Variants in SLC39A11 observed in about 807,000 individuals in gnomAD.
The protein encoded by SLC39A11 is solute carrier family 39 member 11.
A neutral mutation model predicts 36.1 loss-of-function variants in SLC39A11; 33 were observed. The observed-to-expected ratio is 0.91, with a 90% CI of 0.69 to 1.22. SLC39A11 has a LOEUF of 1.22. Ranked by LOEUF, SLC39A11 falls within the 50% of genes most tolerant of loss-of-function variation. SLC39A11 has a pLI of 0.00. For synonymous variants in SLC39A11, 166 were observed against 170.3 expected (o/e 0.97, Z 0.20); for missense variants, 432 against 430.3 (o/e 1.00, Z -0.03).
intron 2 of SLC39A11, among the ~76,000 whole-genome samples, chr17:73,086,942 G>C (rs1352973204): frequency 6.6e-6 from 1 of 152,038 alleles, no homozygotes; most frequent in Non-Finnish European, 1.5e-5. Context: ...TGTAATCCCA[G>C]CTACTCGGGA....
chr17:72,945,164 C>G (rs937739151), intron 5 of SLC39A11, among the ~76,000 whole-genome samples: 2 of 152,118 alleles, frequency 1.3e-5, no homozygotes, highest in African/African-American at 4.8e-5. Flanking sequence ...TTGAGAATAG[C>G]TGATATCAGA....
At chr17:73,071,091 A>T (rs1266012623) in intron 3 of SLC39A11, among the ~76,000 whole-genome samples, 2 of 152,140 alleles carry the variant, frequency 1.3e-5, no homozygotes, top group African/African-American at 4.8e-5. Context: ...AGGTGATTCT[A>T]ATGTGCAGCC....
At chr17:72,898,355 C>T (rs1249662967) in intron 5 of SLC39A11, among the ~76,000 whole-genome samples, 1 of 152,214 alleles carries the variant, frequency 6.6e-6, no homozygotes, top group Non-Finnish European at 1.5e-5. Context: ...CCGGCGCATC[C>T]ACTCAGCTAT....
intron 4 of SLC39A11, among the ~76,000 whole-genome samples, chr17:73,006,302 CACAAA>C (rs1320991002): frequency 2.6e-5 from 4 of 152,144 alleles, no homozygotes; most frequent in African/African-American, 7.2e-5. Context: ...AACATGAGAA[CACAAA>C]ACAAAGTTTT....
intron 4 of SLC39A11, among the ~76,000 whole-genome samples, chr17:72,948,589 T>C (rs1021207964): frequency 6.6e-6 from 1 of 152,132 alleles, no homozygotes; most frequent in African/African-American, 2.4e-5. Context: ...CAAAACCATC[T>C]CAAAGGAAGG....
intron 7 of SLC39A11, among the ~76,000 whole-genome samples, chr17:72,725,937 T>C (rs1031812298): frequency 1.3e-5 from 2 of 152,166 alleles, no homozygotes; most frequent in African/African-American, 4.8e-5. Flanking sequence ...ATTTTTCTGC[T>C]GTGAAAGGGT....
intron 5 of SLC39A11, among the ~76,000 whole-genome samples, chr17:72,938,661 C>A (rs780588144): frequency 6.6e-6 from 1 of 152,304 alleles, no homozygotes; most frequent in African/African-American, 2.4e-5. Flanking sequence ...GGCACAGACT[C>A]TTAAATCTTC....
intron 6 of SLC39A11, among the ~76,000 whole-genome samples, chr17:72,767,954 C>T (rs183511523): frequency 3.6e-4 from 54 of 150,094 alleles, no homozygotes; most frequent in African/African-American, 1.3e-3. Context: ...CTAGGTTATG[C>T]GTTTTTTTCA....
intron 6 of SLC39A11, among the ~76,000 whole-genome samples, chr17:72,846,018 C>CTCTTTTT (rs2079035587): frequency 6.9e-5 from 4 of 57,954 alleles, no homozygotes; most frequent in Non-Finnish European, 8.5e-5. Context: ...CTCTCTCTCT[C>CTCTTTTT]TTTTTTTTTT....
At chr17:72,945,919 G>A (rs536605765) in intron 5 of SLC39A11, among the ~76,000 whole-genome samples, 6 of 152,094 alleles carry the variant, frequency 3.9e-5, no homozygotes, top group East Asian at 1.9e-4. Context: ...ACCTTCCCCC[G>A]ACCCCACCAG....
intron 6 of SLC39A11, among the ~76,000 whole-genome samples, chr17:72,842,422 A>C (rs543291726): frequency 1.3e-5 from 2 of 152,310 alleles, no homozygotes; most frequent in South Asian, 4.1e-4. Context: ...GAATGAGATA[A>C]CCCCTAGAAT....
chr17:72,774,839 A>G (rs2076078935), intron 6 of SLC39A11, among the ~76,000 whole-genome samples: 1 of 152,136 alleles, frequency 6.6e-6, no homozygotes, highest in Non-Finnish European at 1.5e-5. Context: ...CTTCTTTCTA[A>G]GTCAAGGTCA....
chr17:72,783,019 A>G (rs1451531628), intron 6 of SLC39A11, among the ~76,000 whole-genome samples: 1 of 145,870 alleles, frequency 6.9e-6, no homozygotes. Context: ...AAAAAAAAAA[A>G]AAAGAAAAAA....
chr17:73,039,209 G>A (rs78937052), intron 3 of SLC39A11, among the ~76,000 whole-genome samples: 5,312 of 152,136 alleles, frequency 0.035, 117 homozygotes, highest in Middle Eastern at 0.078. Context: ...TTCCCAGCAG[G>A]AAATATGCAA....
At chr17:72,739,126 C>A (rs982825855) in intron 6 of SLC39A11, among the ~76,000 whole-genome samples, 1 of 113,024 alleles carries the variant, frequency 8.8e-6, no homozygotes, top group Non-Finnish European at 1.8e-5. Context: ...TTGAGAATTT[C>A]GGATTTTTTT....
intron 5 of SLC39A11, among the ~76,000 whole-genome samples, chr17:72,900,793 G>A (rs915683633): frequency 2.6e-5 from 4 of 152,172 alleles, no homozygotes; most frequent in African/African-American, 4.8e-5. Context: ...AGGTGTTTCC[G>A]AGTCACTGTG....
intron 7 of SLC39A11, among the ~76,000 whole-genome samples, chr17:72,661,505 G>A (rs566956793): frequency 3.3e-5 from 5 of 152,340 alleles, no homozygotes; most frequent in African/African-American, 9.6e-5. Context: ...TCCCATGTGC[G>A]ATGAGCGTGT....
intron 4 of SLC39A11, among the ~76,000 whole-genome samples, chr17:72,967,370 C>CAGAGAGAGAG (rs72044418): frequency 0.04 from 4,377 of 109,928 alleles, 116 homozygotes; most frequent in Middle Eastern, 0.098. Flanking sequence ...TAAGCATGCT[C>CAGAGAGAGAG]AGAGAGAGAG....
chr17:72,729,401 CTATTTATA>C (rs1440203424), intron 7 of SLC39A11, among the ~76,000 whole-genome samples: 9 of 62,364 alleles, frequency 1.4e-4, no homozygotes, highest in African/African-American at 3.9e-4. Context: ...CCCCACCTGG[CTATTTATA>C]TATATATATA....
Sources: gnomAD v4.1 joint callset for allele counts (sites outside exome capture counted in the v4.1 genomes callset) on GRCh38, gnomAD v4.1.1 for gene constraint, MANE v1.5 for transcripts, NCBI Gene and HGNC (gene_info 2026-07-23, HGNC 2026-07-21) for gene names.